Variants in RCAN2 observed in about 807,000 individuals in gnomAD.
The protein encoded by RCAN2 is calcipressin-2.
A neutral mutation model predicts 23.6 loss-of-function variants in RCAN2; 9 were observed. The ratio of observed to expected loss-of-function variants is 0.38; its 90% CI spans 0.23 to 0.67. The LOEUF (loss-of-function observed/expected upper bound fraction) is 0.67. Ranked by LOEUF, RCAN2 falls within the 30% of genes least tolerant of loss-of-function variation. The probability of loss-of-function intolerance (pLI) is 0.51; values close to 1 mark genes in which losing one functional copy is unlikely to be tolerated. For missense variants in RCAN2, 273 were observed against 302.3 expected, an observed-to-expected ratio of 0.90 and a Z score of 0.72; for synonymous variants, 109 against 115.7, an observed-to-expected ratio of 0.94 and a Z score of 0.37.
At chr6:46,314,263 G>T (rs1763353706) in intron 2 of RCAN2, among the ~76,000 whole-genome samples, 2 of 151,066 alleles carry the variant, frequency 1.3e-5, no homozygotes, top group Admixed American at 1.3e-4. Flanking sequence ...TTGGGAGGCT[G>T]AGGCATGAGA....
intron 1 of RCAN2, among the ~76,000 whole-genome samples, chr6:46,487,190 C>A (rs761462371): frequency 6.6e-6 from 1 of 152,158 alleles, no homozygotes; most frequent in Non-Finnish European, 1.5e-5. Flanking sequence ...TTATTTACAG[C>A]AACATTGGCC....
At chr6:46,437,340 G>A (rs560554280) in intron 2 of RCAN2, among the ~76,000 whole-genome samples, 190 of 152,260 alleles carry the variant, frequency 1.2e-3, no homozygotes, top group Middle Eastern at 0.01. Context: ...AGCAGATCCT[G>A]CATAAATTCC....
intron 2 of RCAN2, among the ~76,000 whole-genome samples, chr6:46,345,704 A>C (rs1764461673): frequency 6.6e-6 from 1 of 152,164 alleles, no homozygotes; most frequent in Non-Finnish European, 1.5e-5. Flanking sequence ...AATTGTCTAC[A>C]GGCTGGATAA....
intron 2 of RCAN2, among the ~76,000 whole-genome samples, chr6:46,306,738 C>T (rs938519654): frequency 4.0e-5 from 6 of 150,090 alleles, no homozygotes; most frequent in Non-Finnish European, 7.4e-5. Context: ...TTTCTGGAAG[C>T]CTTCTTAAGT....
chr6:46,304,323 T>C (rs1419140964), intron 2 of RCAN2, among the ~76,000 whole-genome samples: 1 of 152,170 alleles, frequency 6.6e-6, no homozygotes, highest in Non-Finnish European at 1.5e-5. Context: ...TGGAAATAGG[T>C]CCTTTGTCAG....
intron 2 of RCAN2, among the ~76,000 whole-genome samples, chr6:46,448,373 G>A (rs973362767): frequency 2.0e-5 from 3 of 151,660 alleles, no homozygotes; most frequent in African/African-American, 7.3e-5. Flanking sequence ...CCCAGAACAC[G>A]ATGACTTTAT....
intron 2 of RCAN2, among the ~76,000 whole-genome samples, chr6:46,290,240 T>C (rs1197764800): frequency 1.3e-5 from 2 of 152,228 alleles, no homozygotes; most frequent in Admixed American, 6.5e-5. Context: ...TTTGGTACTC[T>C]AAGAATATGC....
Position 46,472,768 on chromosome 6 carries a change from G to A in RCAN2, c.-2-15790C>T, listed in dbSNP as rs192581332. Among the ~76,000 whole-genome samples the A allele has an allele frequency of 5.5e-3, 842 of 152,248 alleles. 8 individuals are homozygous for A. Among genetic ancestry groups the A allele is most frequent in the Non-Finnish European group, 7.7e-3 (526 of 68,022 alleles). ...ATTGGGGAATCAAAACTCAATCTTA[G>A]TCTTAGATTCTAAGACATATAAGTC... On this transcript the variant is annotated intron_variant, in intron 1 of 4. Transcript: ENST00000371374.
At chr6:46,459,040 G>A (rs1768137002) in intron 1 of RCAN2, among the ~76,000 whole-genome samples, 1 of 152,186 alleles carries the variant, frequency 6.6e-6, no homozygotes, top group African/African-American at 2.4e-5. Flanking sequence ...TGAGATTACA[G>A]GCACGTGCTA....
At chr6:46,443,418 C>T (rs747558342) in intron 2 of RCAN2, among the ~76,000 whole-genome samples, 26 of 151,888 alleles carry the variant, frequency 1.7e-4, no homozygotes, top group Admixed American at 3.3e-4. Context: ...TTCCAGAGTT[C>T]GAGATTTTAG....
intron 2 of RCAN2, among the ~76,000 whole-genome samples, chr6:46,354,054 T>C (rs1194607519): frequency 6.6e-6 from 1 of 152,204 alleles, no homozygotes; most frequent in African/African-American, 2.4e-5. Flanking sequence ...TTGTACAATT[T>C]TGAAGTACAG....
chr6:46,260,291 T>C (rs1767067798), intron 2 of RCAN2, among the ~76,000 whole-genome samples: 1 of 152,156 alleles, frequency 6.6e-6, no homozygotes, highest in South Asian at 2.1e-4. Context: ...TATTTCTTAT[T>C]ATATTCAAAA....
chr6:46,332,716 C>A (rs1764018095), intron 2 of RCAN2, among the ~76,000 whole-genome samples: 1 of 152,048 alleles, frequency 6.6e-6, no homozygotes, highest in African/African-American at 2.4e-5. Flanking sequence ...CATTGTTGGA[C>A]ATTTGGGTTG....
At chr6:46,466,636 A>C (rs982938135) in intron 1 of RCAN2, among the ~76,000 whole-genome samples, 2 of 152,148 alleles carry the variant, frequency 1.3e-5, no homozygotes, top group African/African-American at 4.8e-5. Context: ...TCCACATTAA[A>C]AATCTTCCAT....
In RCAN2 at chr6:46,222,163, A is replaced by G; in HGVS notation, c.*978T>C. ...TTCAAAATTCAGCATTATCCTTATTAGAGTGTAATATTATCAGAGTATCTG... is the reference window on the plus strand; with the variant it reads ...TTCAAAATTCAGCATTATCCTTATTGGAGTGTAATATTATCAGAGTATCTG... On this transcript the variant is annotated 3_prime_UTR_variant, in exon 5 of 5. Coordinates refer to ENST00000371374, the MANE Select transcript of RCAN2 (RefSeq NM_001251974.2). 1 of 394,766 alleles carries G rather than the reference A, an allele frequency of 2.5e-6. No individual in the cohort carries two copies. The highest frequency in any genetic ancestry group is 4.5e-6 in the Non-Finnish European group (1 of 223,826). 24.5% of individuals were successfully genotyped at this position (394,766 alleles called of 1,614,324 possible).
At chr6:46,294,905 T>G (rs957215964) in intron 2 of RCAN2, among the ~76,000 whole-genome samples, 2 of 152,146 alleles carry the variant, frequency 1.3e-5, no homozygotes, top group Non-Finnish European at 2.9e-5. Flanking sequence ...AAATATTAAT[T>G]TATCTGTAAT....
At chr6:46,229,646 T>G (rs1453179771) in intron 4 of RCAN2, among the ~76,000 whole-genome samples, 3 of 152,224 alleles carry the variant, frequency 2.0e-5, no homozygotes, top group Non-Finnish European at 4.4e-5. Context: ...TTCTCTATGC[T>G]GTTTATTCTA....
At chr6:46,261,292 A>C (rs933576228) in intron 2 of RCAN2, among the ~76,000 whole-genome samples, 1 of 152,218 alleles carries the variant, frequency 6.6e-6, no homozygotes, top group Non-Finnish European at 1.5e-5. Context: ...TGTTACTAGC[A>C]AACTCTAGAG....
intron 4 of RCAN2, among the ~76,000 whole-genome samples, chr6:46,237,153 C>A (rs145298678): frequency 2.2e-3 from 340 of 152,306 alleles, no homozygotes; most frequent in African/African-American, 7.6e-3. Flanking sequence ...ACTTTTAATA[C>A]ATTTTCATGG....
Sources: allele counts gnomAD v4.1 joint callset (sites outside exome capture counted in the v4.1 genomes callset), GRCh38; gene constraint gnomAD v4.1.1; transcripts MANE v1.5; gene names NCBI Gene and HGNC (gene_info 2026-07-23, HGNC 2026-07-21).